The following ADAMTSL1 variants were observed in gnomAD, a reference collection of about 807,000 sequenced individuals.
ADAMTSL1 encodes ADAMTS-like protein 1.
A neutral mutation model predicts 201.8 loss-of-function variants in ADAMTSL1; 126 were observed. That is an observed-to-expected ratio of 0.62 (90% CI 0.54 to 0.72). ADAMTSL1 has a LOEUF of 0.72. Among genes scored for constraint, ADAMTSL1 ranks in the 30% least tolerant of loss-of-function variants. ADAMTSL1 has a pLI of 0.00. For synonymous variants in ADAMTSL1, 1,121 were observed against 903.4 expected (o/e 1.24, Z -4.32); for missense variants, 2,679 against 2,277.8 (o/e 1.18, Z -3.59).
chr9:18,813,282 G>A (rs187281747), intron 20 of ADAMTSL1, among the ~76,000 whole-genome samples: 87 of 152,172 alleles, frequency 5.7e-4, no homozygotes, highest in African/African-American at 1.5e-3. Flanking sequence ...TGTACTTTTC[G>A]CTCAAGGTTT....
chr9:18,073,631 G>A (rs762055805), intron 1 of ADAMTSL1, among the ~76,000 whole-genome samples: 5 of 152,264 alleles, frequency 3.3e-5, no homozygotes, highest in Admixed American at 6.5e-5. Context: ...ACACTTTCAC[G>A]TATAACTATA....
In ADAMTSL1 at chr9:18,249,535, C is replaced by T. The variant is rs182405078; in HGVS notation, c.207+85554C>T. On this transcript the variant is annotated intron_variant, in intron 2 of 29. Coordinates refer to the ADAMTSL1 transcript ENST00000680146. Reference sequence around the variant, plus strand: ...CAAATCTTACTATTTACCATATTTGCGTTAGGTTCTTTTTTTAGTAGATCA... The same window carrying T: ...CAAATCTTACTATTTACCATATTTGTGTTAGGTTCTTTTTTTAGTAGATCA... Among the ~76,000 whole-genome samples the T allele has an allele frequency of 3.7e-4, 57 of 152,114 alleles. 2 individuals are homozygous for T. The highest frequency in any genetic ancestry group is 2.9e-3 in the Admixed American group (44 of 15,270).
intron 1 of ADAMTSL1, among the ~76,000 whole-genome samples, chr9:18,033,185 T>C (rs1180418425): frequency 1.3e-5 from 2 of 152,230 alleles, no homozygotes; most frequent in African/African-American, 2.4e-5. Context: ...AGGATAATTA[T>C]GAATTGTTTT....
intron 1 of ADAMTSL1, among the ~76,000 whole-genome samples, chr9:18,137,146 A>G (rs894861581): frequency 4.6e-5 from 7 of 152,188 alleles, no homozygotes; most frequent in African/African-American, 1.2e-4. Context: ...GGTCCATGCA[A>G]TGATAGTAGC....
chr9:18,762,111 C>T (rs1448397495), intron 16 of ADAMTSL1, among the ~76,000 whole-genome samples: 1 of 152,230 alleles, frequency 6.6e-6, no homozygotes, highest in East Asian at 1.9e-4. Context: ...GAAGTGCATG[C>T]TCTTTGCCAG....
At chr9:18,808,641 TCC>T (rs1038711708) in intron 20 of ADAMTSL1, among the ~76,000 whole-genome samples, 1 of 152,242 alleles carries the variant, frequency 6.6e-6, no homozygotes, top group Non-Finnish European at 1.5e-5. Context: ...AGCTCTCTGG[TCC>T]CTAACCTCAT....
chr9:18,291,735 TCTCTCTCTCTCTCACACA>T (rs1328683063), intron 2 of ADAMTSL1, among the ~76,000 whole-genome samples: 6 of 123,336 alleles, frequency 4.9e-5, no homozygotes, highest in African/African-American at 1.9e-4. Context: ...TCTCTCTCTC[TCTCTCTCTCTCTCACACA>T]CACACACACA....
chr9:18,380,968 T>C (rs781147463), intron 2 of ADAMTSL1, among the ~76,000 whole-genome samples: 13 of 152,198 alleles, frequency 8.5e-5, no homozygotes, highest in Non-Finnish European at 1.8e-4. Flanking sequence ...AAAACCCCTG[T>C]GGGTAGCGTG....
At chr9:18,822,262 G>T (rs150770352) in intron 21 of ADAMTSL1, among the ~76,000 whole-genome samples, 41 of 152,260 alleles carry the variant, frequency 2.7e-4, no homozygotes, top group African/African-American at 8.4e-4. Context: ...GGCTAGAAAA[G>T]ATCATCTCCC....
At chr9:18,137,061 G>C (rs1826187827) in intron 1 of ADAMTSL1, among the ~76,000 whole-genome samples, 1 of 152,070 alleles carries the variant, frequency 6.6e-6, no homozygotes, top group African/African-American at 2.4e-5. Context: ...AGAAAATGAT[G>C]ACAGATCAGA....
At chr9:18,089,955 G>C (rs143744234) in intron 1 of ADAMTSL1, among the ~76,000 whole-genome samples, 339 of 152,192 alleles carry the variant, frequency 2.2e-3, no homozygotes, top group African/African-American at 7.6e-3. Context: ...GGTTAAGGTT[G>C]GTAATTATAA....
chr9:18,051,145 CA>C (rs1470926771), intron 1 of ADAMTSL1, among the ~76,000 whole-genome samples: 3 of 151,980 alleles, frequency 2.0e-5, no homozygotes, highest in Admixed American at 6.6e-5. Flanking sequence ...ACTAAAAATA[CA>C]AAAAATTAGC....
At chr9:18,512,597 A>G (rs574556049) in intron 2 of ADAMTSL1, among the ~76,000 whole-genome samples, 4 of 152,314 alleles carry the variant, frequency 2.6e-5, no homozygotes, top group Admixed American at 2.0e-4. Context: ...CCAAAGGGCC[A>G]GAGTCTCAAG....
At chr9:18,610,543 T>C (rs1371466691) in intron 4 of ADAMTSL1, among the ~76,000 whole-genome samples, 1 of 152,168 alleles carries the variant, frequency 6.6e-6, no homozygotes. Flanking sequence ...AGGGTTATAT[T>C]TGTTAATATT....
chr9:18,153,326 C>G (rs977278973), intron 1 of ADAMTSL1, among the ~76,000 whole-genome samples: 7 of 152,050 alleles, frequency 4.6e-5, no homozygotes, highest in Non-Finnish European at 7.4e-5. Context: ...GAAAGTCGAT[C>G]TACTTCTCTC....
At chr9:18,160,847 A>ATTTTTTT (rs35532729) in intron 1 of ADAMTSL1, among the ~76,000 whole-genome samples, 1 of 119,284 alleles carries the variant, frequency 8.4e-6, no homozygotes, top group African/African-American at 3.1e-5. Flanking sequence ...ACCTGGCTAA[A>ATTTTTTT]TTTTTTTTTT....
At chr9:18,868,351 T>G (rs547807045) in intron 23 of ADAMTSL1, among the ~76,000 whole-genome samples, 1 of 152,370 alleles carries the variant, frequency 6.6e-6, no homozygotes, top group South Asian at 2.1e-4. Flanking sequence ...CCTCCTTGAC[T>G]TGTCGAGTAA....
intron 1 of ADAMTSL1, among the ~76,000 whole-genome samples, chr9:17,909,241 G>C (rs10963330): frequency 0.075 from 10,548 of 141,474 alleles, 401 homozygotes; most frequent in Middle Eastern, 0.13. Flanking sequence ...AGATGAGTAG[G>C]TTGCAAAAAT....
At chr9:18,872,141 A>G (rs1031003791) in intron 23 of ADAMTSL1, among the ~76,000 whole-genome samples, 14 of 137,742 alleles carry the variant, frequency 1.0e-4, no homozygotes. Flanking sequence ...CTCTGCCTGT[A>G]TCATTCCTAA....
Sources: allele counts gnomAD v4.1 joint callset (sites outside exome capture counted in the v4.1 genomes callset), GRCh38; gene constraint gnomAD v4.1.1; transcripts MANE v1.5; gene names NCBI Gene and HGNC (gene_info 2026-07-23, HGNC 2026-07-21).